SMARCA4: variants seen among roughly 807,000 people sequenced by gnomAD.
The protein encoded by SMARCA4 is SWI/SNF related BAF chromatin remodeling complex subunit ATPase 4.
In SMARCA4, 31 loss-of-function variants were observed where a neutral mutation model predicts 193.9. The ratio of observed to expected loss-of-function variants is 0.16; its 90% CI spans 0.12 to 0.22. The LOEUF is 0.22. Among genes scored for constraint, SMARCA4 ranks in the 10% least tolerant of loss-of-function variants. The probability of loss-of-function intolerance (pLI) is 1.00; values close to 1 mark genes in which losing one functional copy is unlikely to be tolerated. For synonymous variants in SMARCA4, 942 were observed against 933.1 expected (o/e 1.01, Z -0.17); for missense variants, 1,148 against 2,296.0 (o/e 0.50, Z 10.22).
chr19:11,041,154 A>AGT lies in SMARCA4; in HGVS notation c.4171-146_4171-145dup. 1 of 759,872 alleles carries AGT rather than the reference A, an allele frequency of 1.3e-6. No individual in the cohort carries two copies. The highest frequency in any genetic ancestry group is 2.2e-6 in the Non-Finnish European group (1 of 461,120). 47.1% of individuals were successfully genotyped at this position (759,872 alleles called of 1,614,324 possible). On this transcript the variant is annotated intron_variant, in intron 29 of 34. Coordinates refer to ENST00000344626, the MANE Select transcript of SMARCA4 (RefSeq NM_003072.5). This position sits in a 1 kb window ranked among gnomAD's most constrained non-coding sequence, Gnocchi z 5.6. ...AGCCCAGGCACCCCTTGAGAGTCCC[A>AGT]GTGTGTGTTATGCCCCGAGCCAGTC...
chr19:11,010,038 C>T (rs1209980837), intron 14 of SMARCA4, among the ~76,000 whole-genome samples: 1 of 152,020 alleles, frequency 6.6e-6, no homozygotes, highest in Non-Finnish European at 1.5e-5. Context: ...GTTGGCCAGG[C>T]TGGTCTTGAT....
chr19:10,980,363 G>A (rs2085461590), intron 1 of SMARCA4, among the ~76,000 whole-genome samples: 1 of 152,176 alleles, frequency 6.6e-6, no homozygotes. Context: ...AGCATCTTCA[G>A]TGTACTCTGT....
intron 11 of SMARCA4, 80 bp from the exon 12 acceptor site, chr19:11,002,949 G>A (rs749698554): frequency 1.2e-4 from 189 of 1,536,696 alleles, no homozygotes; most frequent in Non-Finnish European, 1.5e-4. Context: ...AGTTGAGTGG[G>A]TGCTTCCCAC....
intron 1 of SMARCA4, among the ~76,000 whole-genome samples, chr19:10,973,753 T>C (rs972730643): frequency 2.6e-5 from 4 of 152,012 alleles, no homozygotes; most frequent in African/African-American, 9.7e-5. Context: ...GTATTTTTAG[T>C]AGAGACGGGG....
intron 16 of SMARCA4, among the ~76,000 whole-genome samples, chr19:11,018,635 C>A (rs940752149): frequency 6.6e-6 from 1 of 152,230 alleles, no homozygotes; most frequent in Non-Finnish European, 1.5e-5. Context: ...TGCATTTTCC[C>A]GGCAGCAGGT....
In SMARCA4 at chr19:11,062,167, C is replaced by T. The variant is rs538982040; in HGVS notation, c.*351C>T. 2.6e-5 allele frequency: 11 copies of T among 422,896 alleles called. No individual in the cohort carries two copies. The highest frequency in any genetic ancestry group is 3.9e-5 in the Non-Finnish European group (9 of 228,140). The allele number at this position is 422,896 out of a possible 1,614,324, so 26.2% of individuals were successfully genotyped here. ...GTGGATGCATGTGCGTCACCGTCCA[C>T]TCCTCCTACTGTATTTTATTGGACA... On this transcript the variant is annotated 3_prime_UTR_variant, in exon 35 of 35. Transcript: ENST00000344626.
intron 1 of SMARCA4, among the ~76,000 whole-genome samples, chr19:10,971,165 T>C (rs1285355718): frequency 6.6e-6 from 1 of 152,018 alleles, no homozygotes; most frequent in African/African-American, 2.4e-5. Context: ...CATTGCACTC[T>C]AGCCTGGGCA....
intron 11 of SMARCA4, among the ~76,000 whole-genome samples, chr19:10,999,327 A>G (rs2087399327): frequency 6.6e-6 from 1 of 152,098 alleles, no homozygotes; most frequent in Admixed American, 6.6e-5. Context: ...AAATAGATGT[A>G]TGTACACATA....
intron 1 of SMARCA4, among the ~76,000 whole-genome samples, chr19:10,963,895 A>T (rs1245874336): frequency 6.6e-6 from 1 of 151,884 alleles, no homozygotes; most frequent in African/African-American, 2.4e-5. Flanking sequence ...TGATTGAGCC[A>T]CTGCACTCCA....
At chr19:11,002,897 T>A in intron 11 of SMARCA4, 132 bp from the exon 12 acceptor site, 1 of 913,156 alleles carries the variant, frequency 1.1e-6, no homozygotes, top group South Asian at 1.3e-5. Flanking sequence ...TTACGCATTT[T>A]CCCACCACTG....
Position 11,062,030 on chromosome 19 carries a change from G to A in SMARCA4, c.*214G>A, listed in dbSNP as rs1211362056. ...AGTAGCATCTGTAACAGCATTAACT[G>A]TCTTAAAGAGAGAGAGAGAGAATTC... is the stretch of plus-strand genomic sequence containing the variant. On this transcript the variant is annotated 3_prime_UTR_variant, in exon 35 of 35. Transcript: ENST00000344626. 1 of 601,748 alleles carries A rather than the reference G, an allele frequency of 1.7e-6. No individual in the cohort carries two copies. The highest frequency in any genetic ancestry group is 3.0e-6 in the Non-Finnish European group (1 of 334,688). The allele number at this position is 601,748 out of a possible 1,614,324, so 37.3% of individuals were successfully genotyped here. A position where few individuals can be genotyped will look rare whatever the true frequency, so the allele number is the denominator to read the frequency against.
At chr19:11,039,856 G>C (rs1442045632) in intron 29 of SMARCA4, 1 of 194,736 alleles carries the variant, frequency 5.1e-6, no homozygotes, top group Non-Finnish European at 1.0e-5. Context: ...GCCGACATGG[G>C]TGGATCACGA....
chr19:11,029,584 G>A (rs1175289791), intron 24 of SMARCA4, among the ~76,000 whole-genome samples: 1 of 152,250 alleles, frequency 6.6e-6, no homozygotes, highest in African/African-American at 2.4e-5. Flanking sequence ...CCTGAGAGAG[G>A]GTGGGACGGC....
At position 10,987,974 on chromosome 19, in the gene SMARCA4, C is replaced by A. The variant is rs377209096; in HGVS notation, c.1118+50C>A. ...GGTCACTGCCCTGTGTCCCCCATGT[C>A]CCCCTGGGGAAGCCACTCAACTTTC... is the stretch of plus-strand genomic sequence containing the variant. On this transcript the variant is annotated intron_variant, in intron 6 of 34. Coordinates refer to ENST00000344626, the MANE Select transcript of SMARCA4 (RefSeq NM_003072.5). The surrounding 1 kb of genome is among the most constrained non-coding windows in gnomAD (Gnocchi z 5.3). 1 of 1,592,858 alleles carries A rather than the reference C, an allele frequency of 6.3e-7. No homozygotes were observed. Among genetic ancestry groups the A allele is most frequent in the African/African-American group, 1.3e-5 (1 of 74,682 alleles).
intron 1 of SMARCA4, among the ~76,000 whole-genome samples, chr19:10,977,277 G>GT (rs2085213526): frequency 2.0e-5 from 3 of 152,106 alleles, no homozygotes; most frequent in Non-Finnish European, 4.4e-5. Context: ...GTTACCTGCG[G>GT]TTTGTGCTGG....
At position 11,007,898 on chromosome 19, in the gene SMARCA4, G is replaced by A. The variant is rs746254916; in HGVS notation, c.2002-4G>A. On this transcript the variant is annotated splice_region_variant and splice_polypyrimidine_tract_variant and intron_variant, in intron 13 of 34. Transcript: ENST00000344626. The stretch of plus-strand genomic sequence containing the variant: ...TGAGGTGACATGGGCTTGTCTCTTG[G>A]TAGGAGGAGGAGGAAGAGCAGCCGC... 4 of 1,613,310 alleles carry A rather than the reference G, an allele frequency of 2.5e-6. No individual in the cohort carries two copies. The Admixed American group carries it at 5.0e-5, about 20-fold the overall frequency.
intron 32 of SMARCA4, 140 bp downstream of exon 32, chr19:11,059,029 C>A: frequency 1.4e-6 from 1 of 693,402 alleles, no homozygotes. Flanking sequence ...AATCCCAGCA[C>A]TTTGGGAGGC....
At chr19:11,050,215 G>A (rs933846040) in intron 30 of SMARCA4, among the ~76,000 whole-genome samples, 4 of 152,222 alleles carry the variant, frequency 2.6e-5, no homozygotes, top group Admixed American at 2.0e-4. Flanking sequence ...GACTATGCTC[G>A]GGCAGCTCGG....
At chr19:10,994,560 C>T (rs893979767) in intron 8 of SMARCA4, among the ~76,000 whole-genome samples, 41 of 151,512 alleles carry the variant, frequency 2.7e-4, no homozygotes, top group Non-Finnish European at 7.4e-5. Context: ...CCTCATGATC[C>T]GCCCGCCTCA....
Sources: gnomAD v4.1 joint callset for allele counts (sites outside exome capture counted in the v4.1 genomes callset) on GRCh38, gnomAD v4.1.1 for gene constraint, Gnocchi (gnomAD v3.1) non-coding constraint, MANE v1.5 for transcripts, NCBI Gene and HGNC (gene_info 2026-07-23, HGNC 2026-07-21) for gene names.